The following FDXACB1 variants were observed in gnomAD, a reference collection of about 807,000 sequenced individuals.
FDXACB1 encodes ferredoxin-fold anticodon-binding domain-containing protein 1.
FDXACB1 carries 41 observed loss-of-function variants against 51.7 expected under a neutral mutation model. The ratio of observed to expected loss-of-function variants is 0.79; its 90% CI spans 0.62 to 1.03. The LOEUF is 1.03. Ranked by LOEUF, FDXACB1 falls within the 50% of genes least tolerant of loss-of-function variation. The probability of loss-of-function intolerance (pLI) is 0.00; values close to 1 mark genes in which losing one functional copy is unlikely to be tolerated. For missense variants in FDXACB1, 697 were observed against 746.4 expected (o/e 0.93, Z 0.77); for synonymous variants, 273 against 278.6 (o/e 0.98, Z 0.20).
At position 111,877,780 on chromosome 11, in the gene FDXACB1, C is replaced by T. The variant is rs927908986; in HGVS notation, c.330-769G>A. ...GATCTGCTCACCTCGGCCTCCCAAACTGCTGGGATTACAGGCATGAGCCAC... is the reference window on the plus strand; with the variant it reads ...GATCTGCTCACCTCGGCCTCCCAAATTGCTGGGATTACAGGCATGAGCCAC... On this transcript the variant is annotated intron_variant, in intron 2 of 4. Transcript: ENST00000260257. Among the ~76,000 whole-genome samples, 3 of 151,784 alleles carry T rather than the reference C, an allele frequency of 2.0e-5. No homozygotes were observed. The South Asian group carries it at 6.2e-4, about 31-fold the overall frequency.
In FDXACB1 at chr11:111,874,779, AGATC is replaced by A; in HGVS notation, c.*139_*142del. 5.7e-6 allele frequency: 4 copies of A among 700,948 alleles called. No individual in the cohort carries two copies. The highest frequency in any genetic ancestry group is 9.2e-6 in the Non-Finnish European group (4 of 436,846). 43.4% of individuals were successfully genotyped at this position (700,948 alleles called of 1,614,324 possible). ...CCGTCTCAAAAAAAAAAAAAAAAAA[AGATC>A]AACGAACAGTAGCTATGGTCACAAA... On this transcript the variant is annotated 3_prime_UTR_variant, in exon 5 of 5. Transcript: ENST00000260257.
chr11:111,876,810 A>T lies in FDXACB1; in HGVS notation c.531T>A (p.Tyr177Ter). 2 of 1,613,900 alleles carry T rather than the reference A, an allele frequency of 1.2e-6. No individual in the cohort carries two copies. The highest frequency in any genetic ancestry group is 1.7e-6 in the Non-Finnish European group (2 of 1,179,868). ...KAVAGYKCTG[Y>*]RSQDKSFHVE... is the part of the protein sequence containing the mutation. ...CTTAAACCTATGCTATTACCTACCT[A>T]TATCCAGTGCACTTGTACCCTGCCA... Residue 177 changes from tyrosine to a stop codon, truncating the protein, a stop_gained and splice_region_variant, in exon 3 of 5, where the codon TAT becomes TAA. Coordinates refer to ENST00000260257, the MANE Select transcript of FDXACB1 (RefSeq NM_138378.3). LOFTEE classifies it high-confidence loss of function.
chr11:111,878,921 G>A, intron 1 of FDXACB1, 40 bp downstream of exon 1: 4 of 1,567,074 alleles, frequency 2.6e-6, no homozygotes, highest in Non-Finnish European at 3.5e-6. Flanking sequence ...GGGACGCGCC[G>A]GCCGCTGGGC....
At position 111,878,427 on chromosome 11, in the gene FDXACB1, T is replaced by A. The variant is rs1964867511; in HGVS notation, c.329+129A>T. On this transcript the variant is annotated intron_variant, in intron 2 of 4. Transcript: ENST00000260257. ...TCTGTCTTTCCAACTAAACTTGGGG[T>A]TCCTTTGGGGCTTTATAGTCTCTTC... is the stretch of plus-strand genomic sequence containing the variant. 4.0e-6 allele frequency: 4 copies of A among 998,678 alleles called. No homozygotes were observed. In the African/African-American group the frequency reaches 6.5e-5, roughly 16 times the overall value. The allele number at this position is 998,678 out of a possible 1,614,324, so 61.9% of individuals were successfully genotyped here. A position where few individuals can be genotyped will look rare whatever the true frequency, so the allele number is the denominator to read the frequency against.
chr11:111,876,925 C>T lies in FDXACB1; in HGVS notation c.416G>A (p.Arg139Lys). Residue 139 changes from arginine (R) to lysine (K), a missense_variant, in exon 3 of 5, where the codon AGA (arginine) becomes AAA (lysine). By Grantham distance (26) the Arg-to-Lys change is conservative. Around this residue, in one of 3 missense-constraint regions of FDXACB1, gnomAD observed 538 missense variants for 592.2 expected, o/e 0.91. Coordinates refer to ENST00000260257, the MANE Select transcript of FDXACB1 (RefSeq NM_138378.3). ...CACTTGCCAACTGTTGTGCCATTCTCTCTGGGGCTTATCCGCAGGAGTTCC... is the reference window on the plus strand; with the variant it reads ...CACTTGCCAACTGTTGTGCCATTCTTTCTGGGGCTTATCCGCAGGAGTTCC... ...QGGTPADKPQ[R>K]EWHNSWQVVA... The T allele has an allele frequency of 6.2e-7, 1 of 1,612,008 alleles. No homozygotes were observed. The highest frequency in any genetic ancestry group is 1.3e-5 in the African/African-American group (1 of 75,036).
Position 111,874,654 on chromosome 11 carries a change from C to G in FDXACB1, c.*268G>C. On this transcript the variant is annotated 3_prime_UTR_variant, in exon 5 of 5. Transcript: ENST00000260257. ...CCTGTAGTCCCAGCTACTCGGGAGG[C>G]TGAGGCAGGAGAATGGCATGAACCT... 3.0e-6 allele frequency: 1 copy of G among 331,488 alleles called. No homozygotes were observed. Among genetic ancestry groups the G allele is most frequent in the South Asian group, 4.8e-5 (1 of 21,008 alleles). 20.5% of individuals were successfully genotyped at this position (331,488 alleles called of 1,614,324 possible).
chr11:111,878,969 C>T lies in FDXACB1; in HGVS notation c.164G>A (p.Arg55His). 6.3e-7 allele frequency: 1 copy of T among 1,596,486 alleles called. No homozygotes were observed. Among genetic ancestry groups the T allele is most frequent in the East Asian group, 2.3e-5 (1 of 43,848 alleles). Reference sequence around the variant, plus strand: ...AGGGGCGGGCTCGCTACCTCGCTCGCGCAGGCACTGCAGATTCTCCCAGGC... The same window carrying T: ...AGGGGCGGGCTCGCTACCTCGCTCGTGCAGGCACTGCAGATTCTCCCAGGC... ...PLAWENLQCL[R>H]ERGIDVRFGV... Residue 55 changes from arginine to histidine, a missense_variant, in exon 1 of 5, where the codon CGC becomes CAC. Physicochemically the swap from Arg to His is conservative, Grantham distance 29. This residue lies in a region of FDXACB1 where 153 missense variants were observed against 133.5 expected (regional missense o/e 1.15). Coordinates refer to ENST00000260257, the MANE Select transcript of FDXACB1 (RefSeq NM_138378.3).
At chr11:111,878,331 A>T (rs1274085843) in intron 2 of FDXACB1, among the ~76,000 whole-genome samples, 1 of 152,234 alleles carries the variant, frequency 6.6e-6, no homozygotes, top group Non-Finnish European at 1.5e-5. Flanking sequence ...ACTGTCAAAA[A>T]TAAATGATCC....
In FDXACB1 at chr11:111,875,095, T is replaced by C. The variant is rs1555161854; in HGVS notation, c.1702A>G (p.Ile568Val). Residue 568 changes from isoleucine to valine, a missense_variant, in exon 5 of 5, where the codon ATA (isoleucine) becomes GTA (valine). Physicochemically the swap from Ile to Val is conservative, Grantham distance 29 (BLOSUM62 3). Transcript: ENST00000260257. Reference protein sequence around the residue: ...VARAVSQDTIISIQFLSRFQH... With the variant: ...VARAVSQDTIVSIQFLSRFQH... The stretch of plus-strand genomic sequence containing the variant: ...AAACGGCTAAGAAACTGTATGGATA[T>C]AATAGTGTCCTGAGACACTGCTCGG... The C allele has an allele frequency of 1.2e-6, 2 of 1,613,820 alleles. No homozygotes were observed. The highest frequency in any genetic ancestry group is 1.7e-5 in the Admixed American group (1 of 60,000).
intron 1 of FDXACB1, 68 bp from the exon 2 acceptor site, chr11:111,878,780 C>G: frequency 6.5e-7 from 1 of 1,541,892 alleles, no homozygotes; most frequent in South Asian, 1.2e-5. Context: ...AACAGAAAAA[C>G]TCTTCCTAAC....
At position 111,874,710 on chromosome 11, in the gene FDXACB1, ATGCCAC is replaced by A; in HGVS notation, c.*206_*211del. ...GTGGAGCTTATAGTGAGCTGATATC[ATGCCAC>A]TGCCACTGCACTCCCGCCTGGGCGG... On this transcript the variant is annotated 3_prime_UTR_variant, in exon 5 of 5. Transcript: ENST00000260257. 2 of 541,472 alleles carry A rather than the reference ATGCCAC, an allele frequency of 3.7e-6. No homozygotes were observed. Among genetic ancestry groups the A allele is most frequent in the South Asian group, 4.5e-5 (2 of 44,918 alleles). The allele number at this position is 541,472 out of a possible 1,614,324, so 33.5% of individuals were successfully genotyped here.
intron 2 of FDXACB1, among the ~76,000 whole-genome samples, chr11:111,877,860 G>A (rs1964851694): frequency 6.6e-6 from 1 of 151,130 alleles, no homozygotes; most frequent in Non-Finnish European, 1.5e-5. Flanking sequence ...TTGAGGAAAC[G>A]GAAGCATGTA....
At position 111,875,369 on chromosome 11, in the gene FDXACB1, A is replaced by G; in HGVS notation, c.1428T>C (p.Ser476=). The G allele has an allele frequency of 6.2e-7, 1 of 1,613,832 alleles. No individual in the cohort carries two copies. The highest frequency in any genetic ancestry group is 8.5e-7 in the Non-Finnish European group (1 of 1,179,874). ...IIGSVITSAT[S]VIHKDQCFVF... ...CAAAACACTGGTCTTTATGTATAAC[A>G]CTAGTGGCAGATGTGATAACAGACC... is the stretch of plus-strand genomic sequence containing the variant. Residue 476 remains serine (S), a synonymous_variant, in exon 5 of 5, where the codon AGT becomes AGC. Transcript: ENST00000260257.
intron 1 of FDXACB1, 79 bp downstream of exon 1, chr11:111,878,882 C>T (rs188048671): frequency 6.5e-7 from 1 of 1,535,036 alleles, no homozygotes; most frequent in Non-Finnish European, 8.8e-7. Context: ...ACGTGGGTTA[C>T]ATCCCCACGC....
At position 111,875,234 on chromosome 11, in the gene FDXACB1, G is replaced by T. The variant is rs1555161897; in HGVS notation, c.1563C>A (p.Gly521=). Residue 521 remains glycine (G), a synonymous_variant, in exon 5 of 5, where the codon GGC becomes GGA. Transcript: ENST00000260257. ...DNRFLKNFVP[G]KIEPFKSHSL... is the part of the protein sequence containing the mutation. ...AATGACTTTTAAAGGGTTCTATTTT[G>T]CCAGGGACAAAATTTTTCAGGAAAC... 3.7e-6 allele frequency: 6 copies of T among 1,613,856 alleles called. No individual in the cohort carries two copies. Among genetic ancestry groups the T allele is most frequent in the South Asian group, 2.2e-5 (2 of 91,078 alleles).
chr11:111,877,081 A>G (rs1964832359), intron 2 of FDXACB1, 70 bp from the exon 3 acceptor site: 9 of 1,432,974 alleles, frequency 6.3e-6, no homozygotes, highest in Non-Finnish European at 8.6e-6. Context: ...AGTTGGCAAC[A>G]TACACATGGT....
rs376903298 is a variant in FDXACB1, at chr11:111,875,940, G to T, written c.857C>A (p.Ser286Ter). Residue 286 changes from serine to a stop codon, truncating the protein, a stop_gained, in exon 5 of 5, where the codon TCA (serine) becomes TAA (stop). Transcript: ENST00000260257. LOFTEE classifies it high-confidence loss of function. ...ATGGAGACTAATCCAAAAAGCAGCTGACAGAAAGTCACAATTCCAGAAAGG... is the reference window on the plus strand; with the variant it reads ...ATGGAGACTAATCCAAAAAGCAGCTTACAGAAAGTCACAATTCCAGAAAGG... Reference protein sequence around the residue: ...VLPFWNCDFLSAAFWISLHED... With the variant: ...VLPFWNCDFL 1.9e-6 allele frequency: 3 copies of T among 1,613,958 alleles called. No individual in the cohort carries two copies. The African/African-American group carries it at 4.0e-5, about 22-fold the overall frequency.
intron 2 of FDXACB1, 86 bp downstream of exon 2, chr11:111,878,470 C>T: frequency 2.1e-6 from 3 of 1,400,342 alleles, no homozygotes; most frequent in South Asian, 1.4e-5. Context: ...ATCATAGTAG[C>T]TTGCACGTGT....
rs1964891086 is a variant in FDXACB1 at position 111,879,082 on chromosome 11, G to A, written c.51C>T (p.Ala17=). The stretch of plus-strand genomic sequence containing the variant: ...GATCCAGGGTTTCGCTCAGAGCGGC[G>A]GCGAAGGAGAAATTCCCCTCCCCAA... ...LLVGEGNFSF[A]AALSETLDQS... Residue 17 remains alanine, a synonymous_variant, in exon 1 of 5, where the codon GCC becomes GCT. Coordinates refer to ENST00000260257, the MANE Select transcript of FDXACB1 (RefSeq NM_138378.3). 6.2e-7 allele frequency: 1 copy of A among 1,613,432 alleles called. No individual in the cohort carries two copies. The highest frequency in any genetic ancestry group is 8.5e-7 in the Non-Finnish European group (1 of 1,179,720).
Sources: gnomAD v4.1 joint callset for allele counts (sites outside exome capture counted in the v4.1 genomes callset) on GRCh38, gnomAD v4.1.1 for gene constraint, gnomAD v4.1.1 regional missense constraint, MANE v1.5 for transcripts, NCBI Gene and HGNC (gene_info 2026-07-23, HGNC 2026-07-21) for gene names.